IGBP1: variants seen among roughly 807,000 people sequenced by gnomAD.
IGBP1 encodes immunoglobulin-binding protein 1.
A neutral mutation model predicts 25.9 loss-of-function variants in IGBP1; 2 were observed. The ratio of observed to expected loss-of-function variants is 0.08; its 90% CI spans 0.03 to 0.24. The LOEUF is 0.24. Ranked by LOEUF, IGBP1 falls within the 10% of genes least tolerant of loss-of-function variation. The pLI, the probability that IGBP1 is intolerant of heterozygous loss-of-function variation, is 1.00. For missense variants in IGBP1, 187 were observed against 260.4 expected, an observed-to-expected ratio of 0.72 and a Z score of 1.94; for synonymous variants, 96 against 93.4, an observed-to-expected ratio of 1.03 and a Z score of -0.16.
intron 3 of IGBP1, among the ~76,000 whole-genome samples, chrX:70,140,337 G>C (rs1309654606): frequency 8.9e-6 from 1 of 111,971 alleles, no homozygotes; most frequent in Non-Finnish European, 1.9e-5. Context: ...GGTATATTTA[G>C]GTATGTTCAA....
chrX:70,146,513 G>A (rs1028121378), intron 3 of IGBP1, 120 bp from the exon 4 acceptor site: 26 of 570,170 alleles, frequency 4.6e-5, no homozygotes, highest in African/African-American at 4.1e-4. Context: ...TCCCTGCCAA[G>A]GTGGAAATTG....
intron 3 of IGBP1, among the ~76,000 whole-genome samples, chrX:70,135,769 A>G (rs1335768363): frequency 1.8e-5 from 2 of 111,566 alleles, no homozygotes; most frequent in African/African-American, 6.5e-5. Flanking sequence ...GTAAGGGGGA[A>G]GGAATGATAC....
intron 4 of IGBP1, 160 bp from the exon 5 acceptor site, chrX:70,148,601 C>T (rs1305154686): frequency 4.2e-6 from 2 of 479,126 alleles, no homozygotes; most frequent in African/African-American, 2.4e-5. Flanking sequence ...GCTAAGGAAT[C>T]TCTACCGTTA....
Position 70,148,853 on chromosome X carries a change from A to C in IGBP1, c.758+13A>C. 2 of 1,130,746 alleles carry C rather than the reference A, an allele frequency of 1.8e-6. No individual in the cohort carries two copies. The highest frequency in any genetic ancestry group is 2.4e-6 in the Non-Finnish European group (2 of 822,518). 93.2% of individuals were successfully genotyped at this position (1,130,746 alleles called of 1,213,427 possible). Reference sequence around the variant, plus strand: ...TGGCTCAAGCCAAGTAGGTAGTACTAGAAAGTTTGCTTTGCAGCCCTCTGC... The same window carrying C: ...TGGCTCAAGCCAAGTAGGTAGTACTCGAAAGTTTGCTTTGCAGCCCTCTGC... On this transcript the variant is annotated intron_variant, in intron 5 of 6. Transcript: ENST00000356413.
At chrX:70,153,903 C>A (rs2382723) in intron 6 of IGBP1, among the ~76,000 whole-genome samples, 63,068 of 110,029 alleles carry the variant, frequency 0.57, 15,163 homozygotes, top group East Asian at 0.94. Context: ...GGCTCAATAT[C>A]TTTTATAACC....
At chrX:70,159,126 T>C (rs761494641) in intron 6 of IGBP1, among the ~76,000 whole-genome samples, 2 of 111,386 alleles carry the variant, frequency 1.8e-5, no homozygotes, top group Non-Finnish European at 3.8e-5. Flanking sequence ...CTCAGAAATA[T>C]GACAGCTTGG....
Position 70,134,549 on chromosome X carries a change from C to T in IGBP1, c.215C>T (p.Ala72Val). The T allele has an allele frequency of 1.7e-6, 2 of 1,211,437 alleles. No individual in the cohort carries two copies. Among genetic ancestry groups the T allele is most frequent in the Non-Finnish European group, 2.2e-6 (2 of 895,313 alleles). The change falls in exon 3 of 7, where the codon GCT becomes GTT. Residue 72 changes from alanine (A) to valine (V), a missense_variant. Transcript: ENST00000356413. ...FSRNEDLEEIASTDLKYLLVP... is the reference protein window; with the variant it reads ...FSRNEDLEEIVSTDLKYLLVP... ...CGAAATGAAGATTTGGAAGAGATTGCTTCCACCGACCTGAAGTACCTTTTG... is the reference window on the plus strand; with the variant it reads ...CGAAATGAAGATTTGGAAGAGATTGTTTCCACCGACCTGAAGTACCTTTTG...
At chrX:70,140,649 A>T (rs1213126625) in intron 3 of IGBP1, among the ~76,000 whole-genome samples, 4 of 111,950 alleles carry the variant, frequency 3.6e-5, no homozygotes, top group Non-Finnish European at 7.5e-5. Flanking sequence ...CTTACATAAA[A>T]CAGCTGAATG....
At chrX:70,162,943 C>T (rs2085278562) in intron 6 of IGBP1, among the ~76,000 whole-genome samples, 1 of 111,525 alleles carries the variant, frequency 9.0e-6, no homozygotes, top group South Asian at 3.7e-4. Context: ...CACTGCACTC[C>T]AGCCTGGGTG....
At chrX:70,153,963 C>T (rs1048073079) in intron 6 of IGBP1, among the ~76,000 whole-genome samples, 4 of 111,456 alleles carry the variant, frequency 3.6e-5, no homozygotes, top group African/African-American at 1.3e-4. Flanking sequence ...TATAGACCAA[C>T]CCTGATAGAG....
intron 6 of IGBP1, among the ~76,000 whole-genome samples, chrX:70,150,630 G>A (rs1206780068): frequency 1.8e-5 from 2 of 111,716 alleles, no homozygotes; most frequent in Non-Finnish European, 3.8e-5. Context: ...GGTTGTATCA[G>A]GCCAGCCCCT....
At chrX:70,150,382 G>C in intron 6 of IGBP1, 60 bp downstream of exon 6, 1 of 712,541 alleles carries the variant, frequency 1.4e-6, no homozygotes, top group Admixed American at 2.3e-5. Flanking sequence ...TGGCAATTAA[G>C]TTCTTACCAA....
chrX:70,160,082 G>A (rs1055056678), intron 6 of IGBP1, among the ~76,000 whole-genome samples: 1 of 110,939 alleles, frequency 9.0e-6, no homozygotes, highest in African/African-American at 3.3e-5. Context: ...TGCCATGCAG[G>A]CTAAGGCACC....
chrX:70,137,636 G>A (rs773900879), intron 3 of IGBP1, among the ~76,000 whole-genome samples: 10 of 108,566 alleles, frequency 9.2e-5, no homozygotes, highest in Non-Finnish European at 1.9e-4. Flanking sequence ...TGAGGATATG[G>A]GCTAGACTGA....
chrX:70,166,019 T>A lies in IGBP1; in HGVS notation c.*38T>A. ...ACCACAGGACTGCAGGGTGCACAAC[T>A]CCCCTGCCAAGGAAAACCATGCAGT... On this transcript the variant is annotated 3_prime_UTR_variant, in exon 7 of 7. Coordinates refer to ENST00000356413, the MANE Select transcript of IGBP1 (RefSeq NM_001551.3). 8.4e-7 allele frequency: 1 copy of A among 1,193,676 alleles called. No homozygotes were observed. The highest frequency in any genetic ancestry group is 1.1e-6 in the Non-Finnish European group (1 of 881,244).
At chrX:70,135,882 G>C (rs1602659276) in intron 3 of IGBP1, among the ~76,000 whole-genome samples, 1 of 111,801 alleles carries the variant, frequency 8.9e-6, no homozygotes, top group South Asian at 3.8e-4. Context: ...ATCCCAGCTC[G>C]ACGACTGTGA....
At chrX:70,159,034 C>T (rs2085257027) in intron 6 of IGBP1, among the ~76,000 whole-genome samples, 1 of 111,335 alleles carries the variant, frequency 9.0e-6, no homozygotes, top group African/African-American at 3.3e-5. Flanking sequence ...AAATCTGAAA[C>T]ATGGTATCCA....
intron 6 of IGBP1, among the ~76,000 whole-genome samples, chrX:70,154,083 A>T (rs1602672836): frequency 1.3e-5 from 1 of 79,794 alleles, no homozygotes; most frequent in African/African-American, 5.1e-5. Flanking sequence ...TTTGAGACGG[A>T]GTCTTGCTCT....
chrX:70,134,796 A>T lies in IGBP1; in HGVS notation c.462A>T (p.Gln154His). ...AYPSLVAMAS[Q>H]RQAKIQRYKQ... ...CTAGTCTCGTTGCTATGGCATCTCA[A>T]AGACAGGCTAAAATACAGAGGTGGG... The change falls in exon 3 of 7, where the codon CAA becomes CAT. Residue 154 changes from glutamine to histidine, a missense_variant. By Grantham distance (24) the Gln-to-His change is conservative. Transcript: ENST00000356413. 1 of 1,210,928 alleles carries T rather than the reference A, an allele frequency of 8.3e-7. No individual in the cohort carries two copies. Among genetic ancestry groups the T allele is most frequent in the South Asian group, 1.8e-5 (1 of 56,981 alleles).
Sources: gnomAD v4.1 joint callset for allele counts (sites outside exome capture counted in the v4.1 genomes callset) on GRCh38, gnomAD v4.1.1 for gene constraint, MANE v1.5 for transcripts, NCBI Gene and HGNC (gene_info 2026-07-23, HGNC 2026-07-21) for gene names.